The following SNPH variants were observed in gnomAD, a reference collection of about 807,000 sequenced individuals.
SNPH encodes the protein syntaphilin.
SNPH carries 10 observed loss-of-function variants against 36.8 expected under a neutral mutation model. The ratio of observed to expected loss-of-function variants is 0.27; its 90% CI spans 0.17 to 0.46. The LOEUF (loss-of-function observed/expected upper bound fraction) is 0.46, where lower values mean the gene tolerates loss of function less well. Ranked by LOEUF, SNPH falls within the 20% of genes least tolerant of loss-of-function variation. The pLI is 1.00. For synonymous variants in SNPH, 281 were observed against 312.2 expected (o/e 0.90, Z 1.05); for missense variants, 622 against 744.0 (o/e 0.84, Z 1.91).
intron 2 of SNPH, among the ~76,000 whole-genome samples, chr20:1,275,433 C>T (rs549657192): frequency 7.9e-5 from 12 of 152,322 alleles, no homozygotes; most frequent in African/African-American, 2.9e-4. Context: ...AAAACAGCTA[C>T]ACTACATGTC....
intron 5 of SNPH, 78 bp downstream of exon 5, chr20:1,297,330 A>AG: frequency 7.0e-7 from 1 of 1,428,850 alleles, no homozygotes; most frequent in African/African-American, 1.4e-5. Context: ...GTAAGGGAGC[A>AG]GGGTCGTGTT....
At chr20:1,273,259 A>G (rs1386795450) in intron 2 of SNPH, among the ~76,000 whole-genome samples, 1 of 152,194 alleles carries the variant, frequency 6.6e-6, no homozygotes. Flanking sequence ...GAAGGACCTC[A>G]GAGGAGCTCT....
intron 2 of SNPH, among the ~76,000 whole-genome samples, chr20:1,277,600 C>CTG (rs1384180647): frequency 2.0e-5 from 2 of 102,410 alleles, no homozygotes; most frequent in African/African-American, 3.8e-5. Context: ...GTGTCTGTCT[C>CTG]TGTGTGTGTC....
At chr20:1,289,621 G>A (rs1208571247) in intron 2 of SNPH, among the ~76,000 whole-genome samples, 2 of 151,632 alleles carry the variant, frequency 1.3e-5, no homozygotes, top group Admixed American at 1.3e-4. Context: ...GACGCTGGTG[G>A]ATGGCTTGAG....
rs752496353 is a variant in SNPH at position 1,306,287 on chromosome 20, C to G, written c.*233C>G. Reference sequence around the variant, plus strand: ...GGACCCAAGGCAGGAGGTACACCAGCTGGACAAATTGCAGGGAGGGGAGGG... The same window carrying G: ...GGACCCAAGGCAGGAGGTACACCAGGTGGACAAATTGCAGGGAGGGGAGGG... On this transcript the variant is annotated 3_prime_UTR_variant, in exon 7 of 7. Coordinates refer to ENST00000381867, the MANE Select transcript of SNPH (RefSeq NM_001318234.2). The G allele has an allele frequency of 1.1e-4, 45 of 419,440 alleles. No homozygotes were observed. The highest frequency in any genetic ancestry group is 1.7e-4 in the Non-Finnish European group (42 of 243,002). 26.0% of individuals were successfully genotyped at this position (419,440 alleles called of 1,614,324 possible).
chr20:1,309,270 TCAGA>T lies in SNPH; in HGVS notation c.*3221_*3224del, dbSNP rs1199925549. On this transcript the variant is annotated 3_prime_UTR_variant, in exon 7 of 7. Transcript: ENST00000381867. ...ACTCTTGTCTCCTTTGTCCTTTTGT[TCAGA>T]CAGAGTTGTACCTGCAGCAGACAAC... The T allele has an allele frequency of 6.6e-6, 1 of 152,558 alleles. No homozygotes were observed. The highest frequency in any genetic ancestry group is 2.4e-5 in the African/African-American group (1 of 41,426). 9.5% of individuals were successfully genotyped at this position (152,558 alleles called of 1,614,324 possible). A position where few individuals can be genotyped will look rare whatever the true frequency, so the allele number is the denominator to read the frequency against.
At chr20:1,280,475 T>C (rs2088203573) in intron 2 of SNPH, among the ~76,000 whole-genome samples, 1 of 152,116 alleles carries the variant, frequency 6.6e-6, no homozygotes, top group African/African-American at 2.4e-5. Context: ...TCAAGATGAA[T>C]TGCAAAGGAG....
Position 1,266,493 on chromosome 20 carries a change from C to T in SNPH, c.-600+96C>T, listed in dbSNP as rs1355260506. 9.0e-7 allele frequency: 1 copy of T among 1,109,484 alleles called. No individual in the cohort carries two copies. The highest frequency in any genetic ancestry group is 3.2e-5 in the East Asian group (1 of 30,904). 68.7% of individuals were successfully genotyped at this position (1,109,484 alleles called of 1,614,324 possible). A position where few individuals can be genotyped will look rare whatever the true frequency, so the allele number is the denominator to read the frequency against. On this transcript the variant is annotated intron_variant, in intron 1 of 6. Transcript: ENST00000381867. The surrounding 1 kb of genome is among the most constrained non-coding windows in gnomAD (Gnocchi z 6.0). ...GTGCCAGGGGGTGGGGTGGGGGCCG[C>T]GGGCCGCGAGGAGGAGGGGACGGAG...
intron 2 of SNPH, among the ~76,000 whole-genome samples, chr20:1,290,677 G>T (rs1161197242): frequency 6.6e-6 from 1 of 152,214 alleles, no homozygotes; most frequent in African/African-American, 2.4e-5. Context: ...TTTTGTTTGA[G>T]CATCTATTTT....
chr20:1,288,407 A>G (rs1006281481), intron 2 of SNPH, among the ~76,000 whole-genome samples: 2 of 152,024 alleles, frequency 1.3e-5, no homozygotes, highest in Non-Finnish European at 2.9e-5. Context: ...GGTCACCAAG[A>G]TGGACGATGT....
rs1162325274 is a variant in SNPH at position 1,279,618 on chromosome 20, C to CTTTTTT, written c.-493+12872_-493+12877dup. The stretch of plus-strand genomic sequence containing the variant: ...CTGGTTTCCTGAGAGACTCCGGCTT[C>CTTTTTT]TTTTTTTTTTTTTTTTTTTGAGACA... On this transcript the variant is annotated intron_variant, in intron 2 of 6. Transcript: ENST00000381867. Among the ~76,000 whole-genome samples, 52 of 123,074 alleles carry CTTTTTT rather than the reference C, an allele frequency of 4.2e-4. 1 individual carries two copies. The highest frequency in any genetic ancestry group is 1.1e-3 in the South Asian group (4 of 3,628). The allele number at this position is 123,074 out of a possible 152,430, so 80.7% of individuals were successfully genotyped here. A position where few individuals can be genotyped will look rare whatever the true frequency, so the allele number is the denominator to read the frequency against.
intron 2 of SNPH, among the ~76,000 whole-genome samples, chr20:1,278,833 G>C (rs1210188239): frequency 6.6e-6 from 1 of 152,116 alleles, no homozygotes; most frequent in African/African-American, 2.4e-5. Context: ...ACAGGCATGC[G>C]CCACCATGCC....
intron 5 of SNPH, among the ~76,000 whole-genome samples, chr20:1,297,872 T>C (rs114828085): frequency 0.011 from 1,699 of 152,342 alleles, 27 homozygotes; most frequent in African/African-American, 0.032. Context: ...CTGCAGTGTC[T>C]ACCATCATGC....
intron 2 of SNPH, among the ~76,000 whole-genome samples, chr20:1,278,954 A>G (rs756335398): frequency 1.3e-5 from 2 of 152,242 alleles, no homozygotes; most frequent in Non-Finnish European, 2.9e-5. Flanking sequence ...ATTTGTTTAT[A>G]CATTCATCTG....
In SNPH at chr20:1,305,290, G is replaced by A; in HGVS notation, c.853G>A (p.Ala285Thr). ...DPSSGSAEDGADSGFAAADDT... is the reference protein window; with the variant it reads ...DPSSGSAEDGTDSGFAAADDT... The stretch of plus-strand genomic sequence containing the variant: ...CTCCAGCGGCTCTGCTGAGGATGGG[G>A]CAGACAGTGGCTTTGCAGCAGCCGA... The change falls in exon 7 of 7, where the codon GCA becomes ACA. Residue 285 changes from alanine to threonine, a missense_variant. Ala to Thr is a moderately conservative substitution (Grantham distance 58, BLOSUM62 0). Transcript: ENST00000381867. 1 of 1,610,380 alleles carries A rather than the reference G, an allele frequency of 6.2e-7. No individual in the cohort carries two copies. The highest frequency in any genetic ancestry group is 1.1e-5 in the South Asian group (1 of 91,004).
At chr20:1,269,262 C>G (rs2088044494) in intron 2 of SNPH, among the ~76,000 whole-genome samples, 1 of 152,118 alleles carries the variant, frequency 6.6e-6, no homozygotes, top group African/African-American at 2.4e-5. Flanking sequence ...TTCTAAGACC[C>G]CTTCTGCTTC....
rs1450588623 is a variant in SNPH, at chr20:1,296,283, C to T, written c.44C>T (p.Pro15Leu). 27 of 1,570,582 alleles carry T rather than the reference C, an allele frequency of 1.7e-5. No individual in the cohort carries two copies. The highest frequency in any genetic ancestry group is 2.2e-5 in the Non-Finnish European group (26 of 1,160,032). Residue 15 changes from proline to leucine, a missense_variant, in exon 4 of 7, where the codon CCG (proline) becomes CTG (leucine). Transcript: ENST00000381867. ...GPSERMTWPG[P>L]ALSAGPPTRP... Reference sequence around the variant, plus strand: ...AGCGAGAGGATGACGTGGCCTGGCCCGGCCCTTTCTGCGGGCCCCCCAACC... The same window carrying T: ...AGCGAGAGGATGACGTGGCCTGGCCTGGCCCTTTCTGCGGGCCCCCCAACC...
chr20:1,280,827 C>T (rs1015161972), intron 2 of SNPH, among the ~76,000 whole-genome samples: 13 of 152,168 alleles, frequency 8.5e-5, no homozygotes, highest in African/African-American at 2.4e-4. Flanking sequence ...TACTAAGCCT[C>T]GATTTCGAAT....
intron 2 of SNPH, among the ~76,000 whole-genome samples, chr20:1,280,664 C>A (rs566991997): frequency 1.3e-5 from 2 of 152,114 alleles, no homozygotes; most frequent in Non-Finnish European, 2.9e-5. Flanking sequence ...CCCCAAGTAC[C>A]GTGGTCTCCA....
Sources: gnomAD v4.1 joint callset for allele counts (sites outside exome capture counted in the v4.1 genomes callset) on GRCh38, gnomAD v4.1.1 for gene constraint, Gnocchi (gnomAD v3.1) non-coding constraint, MANE v1.5 for transcripts, NCBI Gene and HGNC (gene_info 2026-07-23, HGNC 2026-07-21) for gene names.